FKTN: variants seen among roughly 807,000 people sequenced by gnomAD.
FKTN encodes the protein ribitol-5-phosphate transferase FKTN.
In FKTN, 47 loss-of-function variants were observed where a neutral mutation model predicts 58.6. That is an observed-to-expected ratio of 0.80 (90% confidence interval 0.63 to 1.02). The LOEUF is 1.02. Ranked by LOEUF, FKTN falls within the 50% of genes least tolerant of loss-of-function variation. The probability of loss-of-function intolerance (pLI) is 0.00; values close to 1 mark genes in which losing one functional copy is unlikely to be tolerated. For missense variants in FKTN, 516 were observed against 537.3 expected (o/e 0.96, Z 0.39); for synonymous variants, 178 against 191.9 (o/e 0.93, Z 0.60).
rs550411727 is a variant in FKTN at position 105,580,534 on chromosome 9, C to T, written c.105+5397C>T. On this transcript the variant is annotated intron_variant, in intron 3 of 10. Transcript: ENST00000357998. The stretch of plus-strand genomic sequence containing the variant: ...GCTTGTAGGGTTTCTGCCAAGAGAT[C>T]CGCTGTTAGTCTGATGGGCTTCCCT... Among the ~76,000 whole-genome samples, 605 of 115,712 alleles carry T rather than the reference C, an allele frequency of 5.2e-3. 9 individuals carry two copies. The highest frequency in any genetic ancestry group is 0.019 in the African/African-American group (567 of 29,482). The allele number at this position is 115,712 out of a possible 152,430, so 75.9% of individuals were successfully genotyped here.
chr9:105,570,803 T>C (rs989459192), intron 1 of FKTN, among the ~76,000 whole-genome samples: 3 of 152,148 alleles, frequency 2.0e-5, no homozygotes, highest in Non-Finnish European at 4.4e-5. Context: ...TGGAAGAATA[T>C]TGAAGACTTC....
chr9:105,585,115 AG>A (rs1275931084), intron 3 of FKTN, among the ~76,000 whole-genome samples: 1 of 138,694 alleles, frequency 7.2e-6, no homozygotes, highest in Non-Finnish European at 1.6e-5. Context: ...CTATGCCAGT[AG>A]GAAAAAAAAA....
At chr9:105,564,968 G>A (rs878963483) in intron 1 of FKTN, among the ~76,000 whole-genome samples, 4 of 152,198 alleles carry the variant, frequency 2.6e-5, no homozygotes, top group African/African-American at 9.7e-5. Context: ...AACTCTACAA[G>A]CCAGAAGAGA....
Position 105,639,026 on chromosome 9 carries a change from T to TC in FKTN, c.*3768dup. ...TTATGGCTACATATTTTTCTAAGTT[T>TC]CCCCCCTAGTTTCACTTTCTGGAAA... On this transcript the variant is annotated 3_prime_UTR_variant, in exon 11 of 11. Transcript: ENST00000357998. 1.0e-6 allele frequency: 1 copy of TC among 985,274 alleles called. No homozygotes were observed. Among genetic ancestry groups the TC allele is most frequent in the Non-Finnish European group, 1.2e-6 (1 of 829,882 alleles). 61.0% of individuals were successfully genotyped at this position (985,274 alleles called of 1,614,324 possible). A position where few individuals can be genotyped will look rare whatever the true frequency, so the allele number is the denominator to read the frequency against.
chr9:105,618,723 T>C (rs942502460), intron 9 of FKTN, among the ~76,000 whole-genome samples: 1 of 152,200 alleles, frequency 6.6e-6, no homozygotes, highest in African/African-American at 2.4e-5. Flanking sequence ...TGCAATCATC[T>C]TGTTCTTAAT....
intron 3 of FKTN, among the ~76,000 whole-genome samples, chr9:105,584,236 A>G (rs941576259): frequency 6.6e-6 from 1 of 152,226 alleles, no homozygotes; most frequent in Non-Finnish European, 1.5e-5. Context: ...GAAAGAAACC[A>G]GTAAAAATTG....
At chr9:105,607,144 A>G (rs980395291) in intron 6 of FKTN, among the ~76,000 whole-genome samples, 3 of 152,108 alleles carry the variant, frequency 2.0e-5, no homozygotes, top group African/African-American at 4.8e-5. Flanking sequence ...CTATCTCTAC[A>G]TTGTAAAATT....
chr9:105,606,573 A>G (rs1003078553), intron 6 of FKTN, among the ~76,000 whole-genome samples: 1 of 151,614 alleles, frequency 6.6e-6, no homozygotes, highest in East Asian at 1.9e-4. Context: ...AAATATTTGT[A>G]AGGATTTTCA....
At position 105,636,571 on chromosome 9, in the gene FKTN, T is replaced by C; in HGVS notation, c.*1307T>C. ...GATGTCTGAGTCAGCTAGGATGCTG[T>C]TTACCCCATCTCTCTCTTATATCAC... On this transcript the variant is annotated 3_prime_UTR_variant, in exon 11 of 11. Transcript: ENST00000357998. 3.8e-6 allele frequency: 4 copies of C among 1,064,930 alleles called. No homozygotes were observed. The highest frequency in any genetic ancestry group is 4.6e-6 in the Non-Finnish European group (4 of 862,782). 66.0% of individuals were successfully genotyped at this position (1,064,930 alleles called of 1,614,324 possible).
chr9:105,570,018 A>G (rs1840460684), intron 1 of FKTN, among the ~76,000 whole-genome samples: 1 of 152,026 alleles, frequency 6.6e-6, no homozygotes, highest in African/African-American at 2.4e-5. Flanking sequence ...TATAGAAACA[A>G]TATTTTTGTT....
intron 6 of FKTN, among the ~76,000 whole-genome samples, chr9:105,607,592 A>C (rs1829131619): frequency 1.3e-5 from 2 of 151,814 alleles, no homozygotes; most frequent in South Asian, 4.1e-4. Context: ...CTTTTAATAA[A>C]TCTTTTATTA....
chr9:105,625,682 A>G (rs1832659309), intron 10 of FKTN, among the ~76,000 whole-genome samples: 1 of 152,192 alleles, frequency 6.6e-6, no homozygotes, highest in Non-Finnish European at 1.5e-5. Flanking sequence ...CCAAAATAAC[A>G]TATAAGTTTA....
intron 3 of FKTN, among the ~76,000 whole-genome samples, chr9:105,581,246 C>G (rs910209604): frequency 1.3e-5 from 2 of 148,736 alleles, no homozygotes; most frequent in African/African-American, 5.0e-5. Context: ...AGGCGCTCTG[C>G]GTTTTAGAGT....
chr9:105,602,730 A>G (rs1035924975), intron 5 of FKTN, among the ~76,000 whole-genome samples: 7 of 149,992 alleles, frequency 4.7e-5, no homozygotes, highest in Non-Finnish European at 1.5e-5. Context: ...TGATTTTTGT[A>G]TTTTTTTTTA....
intron 1 of FKTN, among the ~76,000 whole-genome samples, chr9:105,573,163 A>G (rs866022749): frequency 6.6e-6 from 1 of 151,946 alleles, no homozygotes; most frequent in Non-Finnish European, 1.5e-5. Flanking sequence ...TGAACCCAGG[A>G]GGTGAAGGTT....
chr9:105,599,468 G>C (rs1827442001), intron 4 of FKTN, among the ~76,000 whole-genome samples: 1 of 144,346 alleles, frequency 6.9e-6, no homozygotes, highest in African/African-American at 2.5e-5. Flanking sequence ...GTCTTTGTCA[G>C]GTTTTGCTTT....
At chr9:105,572,933 C>T (rs1018847) in intron 1 of FKTN, among the ~76,000 whole-genome samples, 37,618 of 152,066 alleles carry the variant, frequency 0.25, 5,180 homozygotes, top group Non-Finnish European at 0.31. Context: ...ATTATATTCC[C>T]GTTTAGAAAA....
Position 105,639,750 on chromosome 9 carries a change from C to T in FKTN, c.*4486C>T, listed in dbSNP as rs1024162194. 4.8e-6 allele frequency: 5 copies of T among 1,031,482 alleles called. No homozygotes were observed. The highest frequency in any genetic ancestry group is 5.8e-6 in the Non-Finnish European group (5 of 855,492). 63.9% of individuals were successfully genotyped at this position (1,031,482 alleles called of 1,614,324 possible). ...AGACATTACCAGTTTGCCTCCTTCT[C>T]TCAATAGAACTTGTATTTTCATTTT... On this transcript the variant is annotated 3_prime_UTR_variant, in exon 11 of 11. Transcript: ENST00000357998.
At chr9:105,577,965 CTGTT>C (rs1296941293) in intron 3 of FKTN, among the ~76,000 whole-genome samples, 3 of 151,848 alleles carry the variant, frequency 2.0e-5, no homozygotes, top group Non-Finnish European at 4.4e-5. Context: ...ATTTGGCTCT[CTGTT>C]TGTGTGTTGT....
Sources: gnomAD v4.1 joint callset for allele counts (sites outside exome capture counted in the v4.1 genomes callset) on GRCh38, gnomAD v4.1.1 for gene constraint, MANE v1.5 for transcripts, NCBI Gene and HGNC (gene_info 2026-07-23, HGNC 2026-07-21) for gene names.